Variants in RAP1GAP2 observed in about 807,000 individuals in gnomAD.
RAP1GAP2 encodes RAP1 GTPase activating protein 2.
A neutral mutation model predicts 95.0 loss-of-function variants in RAP1GAP2; 27 were observed. The observed-to-expected ratio is 0.28, with a 90% CI of 0.21 to 0.39. The LOEUF (loss-of-function observed/expected upper bound fraction) is 0.39. RAP1GAP2 is among the 10% of genes least tolerant of loss of function. RAP1GAP2 has a pLI of 1.00. For missense variants in RAP1GAP2, 771 were observed against 970.0 expected, an observed-to-expected ratio of 0.79 and a Z score of 2.72; for synonymous variants, 373 against 380.9, an observed-to-expected ratio of 0.98 and a Z score of 0.24.
intron 19 of RAP1GAP2, among the ~76,000 whole-genome samples, chr17:3,024,082 C>T (rs927972799): frequency 1.1e-4 from 17 of 152,150 alleles, no homozygotes; most frequent in African/African-American, 2.2e-4. Flanking sequence ...TACTGATTAA[C>T]GATTGCTTAA....
rs1000589250 is a variant in RAP1GAP2, at chr17:3,026,859, C to T, written c.1981-85C>T. 11 of 1,485,140 alleles carry T rather than the reference C, an allele frequency of 7.4e-6. 1 individual carries two copies. In the South Asian group the frequency reaches 1.4e-4, roughly 19 times the overall value. The allele number at this position is 1,485,140 out of a possible 1,614,324, so 92.0% of individuals were successfully genotyped here. A position where few individuals can be genotyped will look rare whatever the true frequency, so the allele number is the denominator to read the frequency against. On this transcript the variant is annotated intron_variant, in intron 21 of 24. Transcript: ENST00000254695. ...TGGGGAGCAGGAGGCAGCGGCTGTC[C>T]TGGGCTTTTGGGGGCTGCCTCAGGC... is the stretch of plus-strand genomic sequence containing the variant.
chr17:2,943,537 C>T lies in RAP1GAP2; in HGVS notation c.166-14222C>T, dbSNP rs191677200. Among the ~76,000 whole-genome samples the T allele has an allele frequency of 7.2e-4, 110 of 152,018 alleles. No individual in the cohort carries two copies. In the East Asian group the frequency reaches 7.2e-3, roughly 10 times the overall value. ...AAAATTAGCTGGGTGTGGTGGCACACGCCTGTAATCTCAGCTGCTTGGGAG... is the reference window on the plus strand; with the variant it reads ...AAAATTAGCTGGGTGTGGTGGCACATGCCTGTAATCTCAGCTGCTTGGGAG... On this transcript the variant is annotated intron_variant, in intron 3 of 24. Transcript: ENST00000254695.
At chr17:2,832,105 G>A (rs1263245980) in intron 2 of RAP1GAP2, among the ~76,000 whole-genome samples, 2 of 150,298 alleles carry the variant, frequency 1.3e-5, no homozygotes, top group African/African-American at 4.9e-5. Context: ...TCGGGAGGCT[G>A]AGGCAGGAGA....
At chr17:2,951,514 T>C (rs1205391572) in intron 3 of RAP1GAP2, among the ~76,000 whole-genome samples, 2 of 149,790 alleles carry the variant, frequency 1.3e-5, no homozygotes, top group African/African-American at 4.9e-5. Flanking sequence ...AGCTCAGGAG[T>C]TCAAAACCAG....
At chr17:2,838,182 C>T (rs2071225328) in intron 2 of RAP1GAP2, among the ~76,000 whole-genome samples, 1 of 151,868 alleles carries the variant, frequency 6.6e-6, no homozygotes, top group Non-Finnish European at 1.5e-5. Flanking sequence ...CTGCATCCAG[C>T]TAATTTTTTG....
intron 3 of RAP1GAP2, among the ~76,000 whole-genome samples, chr17:2,936,832 C>A (rs1295612323): frequency 1.3e-5 from 2 of 152,180 alleles, no homozygotes; most frequent in African/African-American, 2.4e-5. Context: ...TGCGCCCAGG[C>A]AGCTGTGGGC....
chr17:2,880,024 G>A (rs1488999507), intron 2 of RAP1GAP2, among the ~76,000 whole-genome samples: 2 of 152,124 alleles, frequency 1.3e-5, no homozygotes, highest in Admixed American at 1.3e-4. Flanking sequence ...TCACCGTCCA[G>A]CGGGAAGGAC....
At chr17:2,780,167 C>G (rs1028329646) in intron 1 of RAP1GAP2, among the ~76,000 whole-genome samples, 13 of 152,220 alleles carry the variant, frequency 8.5e-5, no homozygotes, top group Non-Finnish European at 1.5e-4. Flanking sequence ...TCTCCTGTCT[C>G]AGCCTCCCGA....
intron 17 of RAP1GAP2, among the ~76,000 whole-genome samples, chr17:3,016,402 G>T (rs1443602781): frequency 6.6e-6 from 1 of 152,242 alleles, no homozygotes; most frequent in Non-Finnish European, 1.5e-5. Context: ...TCTGCCAGTG[G>T]GGAGCTCAGG....
chr17:2,873,620 G>C (rs1721157030), intron 2 of RAP1GAP2, among the ~76,000 whole-genome samples: 1 of 151,432 alleles, frequency 6.6e-6, no homozygotes, highest in Non-Finnish European at 1.5e-5. Flanking sequence ...TTTGGCGTTT[G>C]AGCCCTGCTA....
chr17:2,999,229 C>T (rs988501362), intron 14 of RAP1GAP2, among the ~76,000 whole-genome samples: 3 of 152,180 alleles, frequency 2.0e-5, no homozygotes, highest in African/African-American at 7.2e-5. Flanking sequence ...CTCCTCTGCT[C>T]CACGAGAAAG....
In RAP1GAP2 at chr17:3,003,546, G is replaced by A. The variant is rs1263248793; in HGVS notation, c.1201-1823G>A. Among the ~76,000 whole-genome samples the A allele has an allele frequency of 6.6e-6, 1 of 152,130 alleles. No individual in the cohort carries two copies. The highest frequency in any genetic ancestry group is 1.5e-5 in the Non-Finnish European group (1 of 68,024). ...ACCGCGGCTCCCAGGCCACTCTTGG[G>A]CGTGGGGCCTTTGTCACGTTTGAAG... On this transcript the variant is annotated intron_variant, in intron 14 of 24. Coordinates refer to ENST00000254695, the MANE Select transcript of RAP1GAP2 (RefSeq NM_015085.5). This position sits in a 1 kb window ranked among gnomAD's most constrained non-coding sequence, Gnocchi z 4.1.
intron 17 of RAP1GAP2, among the ~76,000 whole-genome samples, chr17:3,012,344 G>A (rs1021827460): frequency 5.3e-5 from 8 of 151,874 alleles, no homozygotes; most frequent in African/African-American, 1.9e-4. Context: ...TTGGCTGGGC[G>A]CGGTGGCTCA....
chr17:2,827,533 C>T lies in RAP1GAP2; in HGVS notation c.80+26983C>T, dbSNP rs985945223. 1.3e-5 allele frequency among the ~76,000 whole-genome samples: 2 copies of T among 152,104 alleles called. No homozygotes were observed. The highest frequency in any genetic ancestry group is 2.9e-5 in the Non-Finnish European group (2 of 68,026). The stretch of plus-strand genomic sequence containing the variant: ...CATAGAAGGGACATTTGAGGCCTGG[C>T]GCGGTGGCTCATGCCTGTAATCCCA... On this transcript the variant is annotated intron_variant, in intron 2 of 24. Coordinates refer to ENST00000254695, the MANE Select transcript of RAP1GAP2 (RefSeq NM_015085.5). The surrounding 1 kb of genome is among the most constrained non-coding windows in gnomAD (Gnocchi z 4.1).
At chr17:2,824,120 C>CAA (rs71150900) in intron 2 of RAP1GAP2, among the ~76,000 whole-genome samples, 7 of 105,428 alleles carry the variant, frequency 6.6e-5, no homozygotes, top group African/African-American at 1.1e-4. Flanking sequence ...AAGACTGTCT[C>CAA]AAAAAAAAAA....
At chr17:2,763,327 C>A (rs192929347) in intron 1 of RAP1GAP2, among the ~76,000 whole-genome samples, 1 of 152,114 alleles carries the variant, frequency 6.6e-6, no homozygotes, top group Non-Finnish European at 1.5e-5. Context: ...TCAGATACAG[C>A]CTTTGTACTT....
intron 1 of RAP1GAP2, among the ~76,000 whole-genome samples, chr17:2,758,181 C>CCCTT (rs1555537910): frequency 4.0e-5 from 5 of 124,148 alleles, no homozygotes; most frequent in African/African-American, 1.2e-4. Context: ...GCCCCCCCCC[C>CCCTT]TTTTTTTTTT....
intron 3 of RAP1GAP2, 46 bp from the exon 4 acceptor site, chr17:2,957,713 T>TC: frequency 6.3e-7 from 1 of 1,592,418 alleles, no homozygotes; most frequent in Non-Finnish European, 8.6e-7. Context: ...GCTGTGGACC[T>TC]CCCGGCTGAT....
intron 1 of RAP1GAP2, chr17:2,800,177 G>C (rs982013767): frequency 1.1e-5 from 11 of 985,294 alleles, no homozygotes; most frequent in Non-Finnish European, 1.3e-5. Flanking sequence ...GTAATAAAGG[G>C]AGAGGCTGCA....
Sources: gnomAD v4.1 joint callset for allele counts (sites outside exome capture counted in the v4.1 genomes callset) on GRCh38, gnomAD v4.1.1 for gene constraint, Gnocchi (gnomAD v3.1) non-coding constraint, MANE v1.5 for transcripts, NCBI Gene and HGNC (gene_info 2026-07-23, HGNC 2026-07-21) for gene names.